The following OGDH variants were observed in gnomAD, a reference collection of about 807,000 sequenced individuals.
OGDH encodes oxoglutarate dehydrogenase, also known as 2-oxoglutarate dehydrogenase complex component E1.
Under a neutral mutation model 116.6 loss-of-function variants are expected in OGDH, and 38 were observed. The ratio of observed to expected loss-of-function variants is 0.33; its 90% CI spans 0.25 to 0.43. The LOEUF (loss-of-function observed/expected upper bound fraction) is 0.43, where lower values mean the gene tolerates loss of function less well. OGDH is among the 20% of genes least tolerant of loss of function. OGDH has a pLI of 1.00. For missense variants in OGDH, 825 were observed against 1,357.2 expected (o/e 0.61, Z 6.16); for synonymous variants, 488 against 533.3 (o/e 0.92, Z 1.17).
rs190407122 is a variant in OGDH at position 44,694,077 on chromosome 7, G to T, written c.1515+73G>T. 6.8e-7 allele frequency: 1 copy of T among 1,478,786 alleles called. No individual in the cohort carries two copies. The highest frequency in any genetic ancestry group is 2.1e-5 in the Admixed American group (1 of 47,568). 91.6% of individuals were successfully genotyped at this position (1,478,786 alleles called of 1,614,324 possible). A position where few individuals can be genotyped will look rare whatever the true frequency, so the allele number is the denominator to read the frequency against. On this transcript the variant is annotated intron_variant, in intron 11 of 22. Transcript: ENST00000222673. This position sits in a 1 kb window ranked among gnomAD's most constrained non-coding sequence, Gnocchi z 4.2. ...CCCCTCTTGCCCTCGGCACCCCTGT[G>T]TCCCAAGGAGAGGAGCTTGTCTAGA...
intron 4 of OGDH, among the ~76,000 whole-genome samples, chr7:44,649,885 G>A (rs1786357577): frequency 6.6e-6 from 1 of 152,196 alleles, no homozygotes; most frequent in African/African-American, 2.4e-5. Flanking sequence ...CAGTATTTCT[G>A]TGAGGTTTGT....
intron 7 of OGDH, chr7:44,674,776 T>G (rs1443990936): frequency 1.7e-6 from 1 of 585,328 alleles, no homozygotes; most frequent in Non-Finnish European, 3.0e-6. Flanking sequence ...AAGCCACATG[T>G]AGTTTCAGAC....
At chr7:44,630,574 A>G (rs1048531221) in intron 2 of OGDH, among the ~76,000 whole-genome samples, 1 of 152,190 alleles carries the variant, frequency 6.6e-6, no homozygotes, top group African/African-American at 2.4e-5. Flanking sequence ...ATTCCTTGGT[A>G]TCTGTGGGGG....
At chr7:44,701,648 G>A in intron 20 of OGDH, 33 bp downstream of exon 20, 1 of 1,593,168 alleles carries the variant, frequency 6.3e-7, no homozygotes, top group Non-Finnish European at 8.6e-7. Context: ...TTTCCTTGGG[G>A]GAAGCTATGT....
chr7:44,695,701 CA>C (rs551704915), intron 12 of OGDH, among the ~76,000 whole-genome samples: 9,048 of 83,128 alleles, frequency 0.11, 276 homozygotes, highest in Middle Eastern at 0.17. Context: ...GACTCCGTCT[CA>C]AAAAAAAAAA....
chr7:44,691,516 AGT>A (rs1412739452), intron 10 of OGDH, among the ~76,000 whole-genome samples: 3 of 147,334 alleles, frequency 2.0e-5, no homozygotes, highest in Admixed American at 1.4e-4. Flanking sequence ...TGGGCAACAG[AGT>A]GAGACCTTCT....
At chr7:44,678,824 G>A (rs931538073) in intron 9 of OGDH, among the ~76,000 whole-genome samples, 3 of 152,180 alleles carry the variant, frequency 2.0e-5, no homozygotes, top group Non-Finnish European at 2.9e-5. Context: ...TCAGGGAGCT[G>A]GAGTGTGTGT....
At chr7:44,699,810 A>G (rs937245452) in intron 18 of OGDH, among the ~76,000 whole-genome samples, 1 of 152,196 alleles carries the variant, frequency 6.6e-6, no homozygotes, top group African/African-American at 2.4e-5. Flanking sequence ...GGCCTCAGGA[A>G]GCTTACAATC....
In OGDH at chr7:44,662,045, T is replaced by C. The variant is rs370297475; in HGVS notation, c.518-4691T>C. Among the ~76,000 whole-genome samples, 356 of 152,370 alleles carry C rather than the reference T, an allele frequency of 2.3e-3. 1 individual carries two copies. The highest frequency in any genetic ancestry group is 8.1e-3 in the African/African-American group (338 of 41,590). On this transcript the variant is annotated intron_variant, in intron 4 of 22. Coordinates refer to ENST00000222673, the MANE Select transcript of OGDH (RefSeq NM_002541.4). ...AACCTTACCTCCTTTTATATCTCTT[T>C]ACTGTCCTGCATTTATAATATAATT...
chr7:44,673,959 G>A lies in OGDH; in HGVS notation c.788+18G>A, dbSNP rs1014593395. 1.6e-5 allele frequency: 26 copies of A among 1,613,708 alleles called. No homozygotes were observed. Among genetic ancestry groups the A allele is most frequent in the Non-Finnish European group, 2.1e-5 (25 of 1,179,798 alleles). On this transcript the variant is annotated intron_variant, in intron 6 of 22. Transcript: ENST00000222673. ...TCCACCAGGTATGGGTCTGGCCCTG[G>A]GCCATGGGGCAGACATTCCCAGGGA... is the stretch of plus-strand genomic sequence containing the variant.
intron 4 of OGDH, among the ~76,000 whole-genome samples, chr7:44,660,790 T>C (rs941906875): frequency 3.3e-5 from 5 of 152,126 alleles, no homozygotes; most frequent in Admixed American, 2.6e-4. Flanking sequence ...TAGCCAAGCA[T>C]GATCGCGCGT....
intron 20 of OGDH, among the ~76,000 whole-genome samples, chr7:44,706,062 C>T (rs1207112445): frequency 2.6e-5 from 4 of 152,138 alleles, no homozygotes; most frequent in Admixed American, 2.6e-4. Flanking sequence ...CCCACCAAAG[C>T]CTCCCAAGTA....
chr7:44,649,343 A>G (rs1786335175), intron 4 of OGDH, among the ~76,000 whole-genome samples: 1 of 134,506 alleles, frequency 7.4e-6, no homozygotes, highest in Non-Finnish European at 1.5e-5. Flanking sequence ...TCTGCCTCCC[A>G]GGTTCAAGCA....
intron 5 of OGDH, among the ~76,000 whole-genome samples, chr7:44,672,644 G>GT (rs539935339): frequency 0.038 from 5,097 of 133,970 alleles, 140 homozygotes; most frequent in Non-Finnish European, 0.057. Flanking sequence ...TTTGTTTTTT[G>GT]TTTTTTTTTT....
intron 2 of OGDH, among the ~76,000 whole-genome samples, chr7:44,637,749 G>A (rs948694227): frequency 1.3e-5 from 2 of 152,078 alleles, no homozygotes; most frequent in South Asian, 4.1e-4. Context: ...TGGGGGTTGG[G>A]GGGTGGTTGC....
At chr7:44,666,310 T>C (rs1473539007) in intron 4 of OGDH, among the ~76,000 whole-genome samples, 1 of 152,232 alleles carries the variant, frequency 6.6e-6, no homozygotes, top group African/African-American at 2.4e-5. Flanking sequence ...TGTTCTTCTA[T>C]ATCAGTTCTT....
At chr7:44,621,234 C>A (rs886345921) in intron 1 of OGDH, among the ~76,000 whole-genome samples, 1 of 152,108 alleles carries the variant, frequency 6.6e-6, no homozygotes, top group African/African-American at 2.4e-5. Context: ...CCACCACACC[C>A]TGATAGCTTT....
At chr7:44,684,036 TAGTC>T (rs1328151558) in intron 10 of OGDH, among the ~76,000 whole-genome samples, 1 of 152,190 alleles carries the variant, frequency 6.6e-6, no homozygotes, top group African/African-American at 2.4e-5. Context: ...GATACTGGGT[TAGTC>T]AGCAGACAAG....
At chr7:44,672,619 C>G (rs1029111365) in intron 5 of OGDH, among the ~76,000 whole-genome samples, 6 of 150,754 alleles carry the variant, frequency 4.0e-5, no homozygotes, top group African/African-American at 1.5e-4. Flanking sequence ...GAGGGCAGCC[C>G]GAGAGGGATT....
Sources: gnomAD v4.1 joint callset for allele counts (sites outside exome capture counted in the v4.1 genomes callset) on GRCh38, gnomAD v4.1.1 for gene constraint, Gnocchi (gnomAD v3.1) non-coding constraint, MANE v1.5 for transcripts, NCBI Gene and HGNC (gene_info 2026-07-23, HGNC 2026-07-21) for gene names.